Variants in RNF121 observed in about 807,000 individuals in gnomAD.
RNF121 encodes ring finger protein 121, also known as E3 ubiquitin ligase RNF121.
Under a neutral mutation model 46.5 loss-of-function variants are expected in RNF121, and 21 were observed. That is an observed-to-expected ratio of 0.45 (90% CI 0.32 to 0.65). The LOEUF (loss-of-function observed/expected upper bound fraction) is 0.65. Ranked by LOEUF, RNF121 falls within the 30% of genes least tolerant of loss-of-function variation. RNF121 has a pLI of 0.04. For synonymous variants in RNF121, 139 were observed against 144.7 expected (o/e 0.96, Z 0.28); for missense variants, 346 against 416.0 (o/e 0.83, Z 1.46).
intron 2 of RNF121, among the ~76,000 whole-genome samples, chr11:71,960,308 C>T (rs542595215): frequency 6.6e-6 from 1 of 152,288 alleles, no homozygotes; most frequent in Admixed American, 6.5e-5. Flanking sequence ...ACATTTGCAG[C>T]GTTACTCCTT....
intron 3 of RNF121, among the ~76,000 whole-genome samples, chr11:71,964,938 G>C (rs1019278762): frequency 1.3e-5 from 2 of 152,174 alleles, no homozygotes; most frequent in Non-Finnish European, 2.9e-5. Context: ...GTAAAGGCCT[G>C]TCTTGTTCTT....
intron 3 of RNF121, among the ~76,000 whole-genome samples, chr11:71,967,020 C>T (rs926844956): frequency 2.5e-4 from 36 of 146,858 alleles, no homozygotes; most frequent in Non-Finnish European, 3.6e-4. Context: ...TACAGGCACC[C>T]GCCACCGCGC....
At chr11:71,941,025 G>T (rs1241584990) in intron 1 of RNF121, among the ~76,000 whole-genome samples, 1 of 152,212 alleles carries the variant, frequency 6.6e-6, no homozygotes, top group African/African-American at 2.4e-5. Context: ...TAGGTTAAAC[G>T]TAAGGGGATA....
chr11:71,964,081 G>C (rs890954037), intron 3 of RNF121, among the ~76,000 whole-genome samples: 4 of 152,162 alleles, frequency 2.6e-5, no homozygotes, highest in African/African-American at 9.7e-5. Flanking sequence ...AGATTGGTTT[G>C]ATTCTCTAGA....
intron 3 of RNF121, among the ~76,000 whole-genome samples, chr11:71,967,098 C>G (rs2134185097): frequency 6.7e-6 from 1 of 149,102 alleles, no homozygotes; most frequent in Non-Finnish European, 1.5e-5. Context: ...GTCTCGATCT[C>G]CTGACCTCAT....
chr11:71,990,884 A>G (rs1590815928), intron 6 of RNF121, 167 bp downstream of exon 6: 1 of 800,886 alleles, frequency 1.2e-6, no homozygotes, highest in Admixed American at 2.7e-5. Context: ...TTGGAAAGCA[A>G]CACAGCCATA....
At chr11:71,947,943 T>TA (rs1227673938) in intron 1 of RNF121, among the ~76,000 whole-genome samples, 1 of 152,192 alleles carries the variant, frequency 6.6e-6, no homozygotes, top group Non-Finnish European at 1.5e-5. Flanking sequence ...GATGTTTAGA[T>TA]ATGATCAGCA....
At chr11:71,967,933 AT>A (rs1954326258) in intron 3 of RNF121, among the ~76,000 whole-genome samples, 1 of 151,942 alleles carries the variant, frequency 6.6e-6, no homozygotes, top group South Asian at 2.1e-4. Flanking sequence ...TTTCTTACTG[AT>A]TTGTAAGAGC....
chr11:71,931,989 C>T (rs970217883), intron 1 of RNF121, among the ~76,000 whole-genome samples: 4 of 152,090 alleles, frequency 2.6e-5, no homozygotes, highest in African/African-American at 9.7e-5. Flanking sequence ...GGATATTATA[C>T]CTATGTTTTC....
intron 1 of RNF121, among the ~76,000 whole-genome samples, chr11:71,949,349 T>C (rs1953806977): frequency 1.3e-5 from 2 of 151,710 alleles, no homozygotes; most frequent in African/African-American, 4.8e-5. Flanking sequence ...GCCTGGAAAG[T>C]CGACACTGCA....
intron 1 of RNF121, among the ~76,000 whole-genome samples, chr11:71,944,528 A>G (rs1288820232): frequency 6.6e-6 from 1 of 152,204 alleles, no homozygotes; most frequent in Non-Finnish European, 1.5e-5. Context: ...AGGAGAGCAT[A>G]TGTTAAGTCC....
intron 1 of RNF121, among the ~76,000 whole-genome samples, chr11:71,946,709 A>G (rs1953730597): frequency 7.2e-6 from 1 of 138,716 alleles, no homozygotes. Flanking sequence ...ATCTTATTTT[A>G]TTTATTATTA....
intron 1 of RNF121, among the ~76,000 whole-genome samples, chr11:71,937,005 A>G (rs533015873): frequency 1.9e-4 from 29 of 152,190 alleles, no homozygotes; most frequent in South Asian, 6.2e-4. Context: ...CATGCCTACT[A>G]TCTGTTCTGG....
intron 3 of RNF121, among the ~76,000 whole-genome samples, chr11:71,966,961 T>TC (rs1393351820): frequency 2.7e-5 from 4 of 149,456 alleles, no homozygotes; most frequent in Non-Finnish European, 5.9e-5. Flanking sequence ...AAGCTCCGCT[T>TC]CCCGGGTTCA....
At chr11:71,937,572 AATG>A (rs1953449320) in intron 1 of RNF121, among the ~76,000 whole-genome samples, 1 of 152,188 alleles carries the variant, frequency 6.6e-6, no homozygotes. Flanking sequence ...GAACTCCTCT[AATG>A]ATAGCGAACT....
intron 3 of RNF121, among the ~76,000 whole-genome samples, chr11:71,964,623 G>A (rs79204966): frequency 0.033 from 4,947 of 152,096 alleles, 79 homozygotes; most frequent in East Asian, 0.078. Flanking sequence ...GACTACACGC[G>A]CACACCACAG....
intron 6 of RNF121, among the ~76,000 whole-genome samples, chr11:71,992,353 T>G (rs1307308132): frequency 6.6e-6 from 1 of 152,246 alleles, no homozygotes. Flanking sequence ...TTTGTTAATC[T>G]TTAACTGTAT....
chr11:71,968,767 G>A (rs141489303), intron 3 of RNF121, among the ~76,000 whole-genome samples: 112 of 152,156 alleles, frequency 7.4e-4, no homozygotes, highest in African/African-American at 2.6e-3. Flanking sequence ...AAACAACTTT[G>A]AAAAACAGTT....
In RNF121 at chr11:71,995,441, G is replaced by T; in HGVS notation, c.762-9G>T. On this transcript the variant is annotated splice_polypyrimidine_tract_variant and intron_variant, in intron 7 of 8. Transcript: ENST00000361756. ...GCTCTCACCATTTCCCTTGACCAGC[G>T]GTGCTCAGCTTCCACGAGTTCTGCA... 1.3e-6 allele frequency: 2 copies of T among 1,568,102 alleles called. No homozygotes were observed. Among genetic ancestry groups the T allele is most frequent in the East Asian group, 2.3e-5 (1 of 42,770 alleles).
Sources: gnomAD v4.1 joint callset for allele counts (sites outside exome capture counted in the v4.1 genomes callset) on GRCh38, gnomAD v4.1.1 for gene constraint, MANE v1.5 for transcripts, NCBI Gene and HGNC (gene_info 2026-07-23, HGNC 2026-07-21) for gene names.